CHN2: variants seen among roughly 807,000 people sequenced by gnomAD.
CHN2 encodes beta-chimaerin.
In CHN2, 35 loss-of-function variants were observed where a neutral mutation model predicts 56.3. The observed-to-expected ratio is 0.62, with a 90% confidence interval of 0.47 to 0.82. The LOEUF (loss-of-function observed/expected upper bound fraction) is 0.82, where lower values mean the gene tolerates loss of function less well. Among genes scored for constraint, CHN2 ranks in the 40% least tolerant of loss-of-function variants. CHN2 has a pLI of 0.00. For synonymous variants in CHN2, 210 were observed against 212.8 expected, an observed-to-expected ratio of 0.99 and a Z score of 0.12; for missense variants, 491 against 580.5, an observed-to-expected ratio of 0.85 and a Z score of 1.58.
At position 29,339,872 on chromosome 7, in the gene CHN2, C is replaced by T. The variant is rs1042791060; in HGVS notation, c.50-14753C>T. Among the ~76,000 whole-genome samples the T allele has an allele frequency of 2.0e-5, 3 of 151,184 alleles. No individual in the cohort carries two copies. In the East Asian group the frequency reaches 5.8e-4, roughly 29 times the overall value. On this transcript the variant is annotated intron_variant, in intron 1 of 12. Coordinates refer to ENST00000222792, the MANE Select transcript of CHN2 (RefSeq NM_004067.4). ...CCGTCTCAAAAAAAAAAAATAATAACAATACTGTATATAATAATATAATAT... is the reference window on the plus strand; with the variant it reads ...CCGTCTCAAAAAAAAAAAATAATAATAATACTGTATATAATAATATAATAT...
chr7:29,457,126 C>T (rs1054064792), intron 6 of CHN2, among the ~76,000 whole-genome samples: 2 of 152,226 alleles, frequency 1.3e-5, no homozygotes, highest in African/African-American at 4.8e-5. Flanking sequence ...TGGCCTGCAG[C>T]TCGGGAACGT....
At position 29,160,730 on chromosome 7, in the gene CHN2, C is replaced by T. The variant is rs964195084; in HGVS notation, c.274+13770C>T. On this transcript the variant is annotated intron_variant, in intron 2 of 6. Coordinates refer to the CHN2 transcript ENST00000439384. ...TGACCATGAGGAAAAACCACATATG[C>T]ACTGAGGCAGAGAGGAAGGGCTAAA... Among the ~76,000 whole-genome samples, 3 of 152,250 alleles carry T rather than the reference C, an allele frequency of 2.0e-5. No homozygotes were observed. The East Asian group carries it at 5.8e-4, about 29-fold the overall frequency.
chr7:29,512,572 T>G lies in CHN2; in HGVS notation c.1244T>G (p.Met415Arg), dbSNP rs200486776. 2 of 1,612,148 alleles carry G rather than the reference T, an allele frequency of 1.2e-6. No homozygotes were observed. Among genetic ancestry groups the G allele is most frequent in the East Asian group, 4.5e-5 (2 of 44,872 alleles). Residue 415 changes from methionine to arginine, a missense_variant, in exon 13 of 13, where the codon ATG becomes AGG. Transcript: ENST00000222792. ...ATATGTTTGTTTTGCAGGGTTACTA[T>G]GAATGAAAAAGACAATTTCATGAAT... The part of the protein sequence containing the change: ...YLMIHLKKVT[M>R]NEKDNFMNAE...
intron 6 of CHN2, among the ~76,000 whole-genome samples, chr7:29,456,539 A>G (rs1274509027): frequency 6.6e-6 from 1 of 152,088 alleles, no homozygotes; most frequent in Non-Finnish European, 1.5e-5. Context: ...TTAAGTCTCA[A>G]GCTCACAATG....
intron 6 of CHN2, among the ~76,000 whole-genome samples, chr7:29,430,590 G>C (rs1351895710): frequency 6.6e-6 from 1 of 152,110 alleles, no homozygotes; most frequent in African/African-American, 2.4e-5. Context: ...CATTTGGTTG[G>C]CTAAAGCTCA....
intron 6 of CHN2, among the ~76,000 whole-genome samples, chr7:29,403,559 A>G (rs1802399363): frequency 6.6e-6 from 1 of 152,152 alleles, no homozygotes; most frequent in Non-Finnish European, 1.5e-5. Context: ...AAAAGAGATT[A>G]CCTACTCCAT....
At chr7:29,469,130 G>T (rs958062716) in intron 6 of CHN2, among the ~76,000 whole-genome samples, 7 of 152,086 alleles carry the variant, frequency 4.6e-5, no homozygotes, top group Admixed American at 3.9e-4. Context: ...ACCATTACCT[G>T]GAATTCTTTC....
At chr7:29,358,055 A>ATAAT (rs1798440652) in intron 2 of CHN2, among the ~76,000 whole-genome samples, 1 of 152,238 alleles carries the variant, frequency 6.6e-6, no homozygotes, top group South Asian at 2.1e-4. Context: ...TATATTTACT[A>ATAAT]GAGACAGTAT....
chr7:29,470,633 G>T (rs1458294389), intron 6 of CHN2, among the ~76,000 whole-genome samples: 1 of 152,174 alleles, frequency 6.6e-6, no homozygotes, highest in African/African-American at 2.4e-5. Context: ...GTAGCTGGAG[G>T]CTATGTTTGG....
intron 2 of CHN2, among the ~76,000 whole-genome samples, chr7:29,364,136 C>T (rs1288851069): frequency 1.3e-5 from 2 of 152,220 alleles, no homozygotes; most frequent in Non-Finnish European, 2.9e-5. Context: ...ATGATAATGA[C>T]ACAAAGTTAT....
chr7:29,278,781 T>C (rs39108), intron 1 of CHN2, among the ~76,000 whole-genome samples: 86,494 of 152,082 alleles, frequency 0.57, 24,842 homozygotes, highest in East Asian at 0.77. Flanking sequence ...GGCGGGGGTC[T>C]TGTCTAGCTT....
chr7:29,226,307 C>G (rs1440029150), intron 1 of CHN2, among the ~76,000 whole-genome samples: 2 of 152,274 alleles, frequency 1.3e-5, no homozygotes, highest in Non-Finnish European at 2.9e-5. Flanking sequence ...ATTATGTAAA[C>G]TAGGTAATAC....
At chr7:29,438,865 A>T (rs987951330) in intron 6 of CHN2, among the ~76,000 whole-genome samples, 5 of 152,234 alleles carry the variant, frequency 3.3e-5, no homozygotes, top group Non-Finnish European at 5.9e-5. Context: ...TGTACATTGT[A>T]GAAACAATTG....
chr7:29,504,850 T>G (rs1171596188), intron 10 of CHN2, 29 bp downstream of exon 10: 1 of 1,499,210 alleles, frequency 6.7e-7, no homozygotes, highest in Non-Finnish European at 9.3e-7. Flanking sequence ...GAATGCCATC[T>G]GACATCCTAA....
intron 1 of CHN2, among the ~76,000 whole-genome samples, chr7:29,300,237 A>T (rs936788178): frequency 7.2e-5 from 11 of 152,138 alleles, no homozygotes; most frequent in Non-Finnish European, 1.6e-4. Flanking sequence ...AGAGTGTAGG[A>T]TGAGGGAACC....
rs1186915824 is a variant in CHN2, at chr7:29,514,129, C to T, written c.*1394C>T. 1 of 152,640 alleles carries T rather than the reference C, an allele frequency of 6.6e-6. No individual in the cohort carries two copies. Among genetic ancestry groups the T allele is most frequent in the Non-Finnish European group, 1.5e-5 (1 of 68,054 alleles). The allele number at this position is 152,640 out of a possible 1,614,324, so 9.5% of individuals were successfully genotyped here. ...GCTATGCAGATGGACTCCATTGGCA[C>T]AGGGAGGTTTGACCTCTTCCCTGCT... On this transcript the variant is annotated 3_prime_UTR_variant, in exon 13 of 13. Transcript: ENST00000222792.
At chr7:29,296,062 G>A (rs1316603352) in intron 1 of CHN2, among the ~76,000 whole-genome samples, 1 of 150,516 alleles carries the variant, frequency 6.6e-6, no homozygotes, top group African/African-American at 2.5e-5. Flanking sequence ...AAAAGAGAAA[G>A]GTCTGTCCGT....
At chr7:29,360,580 G>A (rs1362565344) in intron 2 of CHN2, among the ~76,000 whole-genome samples, 1 of 152,306 alleles carries the variant, frequency 6.6e-6, no homozygotes. Context: ...TGGCAGGGTG[G>A]AGGGTGGGGT....
At chr7:29,381,387 A>G (rs979353212) in intron 3 of CHN2, among the ~76,000 whole-genome samples, 4 of 152,192 alleles carry the variant, frequency 2.6e-5, no homozygotes, top group Non-Finnish European at 5.9e-5. Flanking sequence ...TTGTCCAAAC[A>G]AGGAGGGCCT....
Sources: gnomAD v4.1 joint callset for allele counts (sites outside exome capture counted in the v4.1 genomes callset) on GRCh38, gnomAD v4.1.1 for gene constraint, MANE v1.5 for transcripts, NCBI Gene and HGNC (gene_info 2026-07-23, HGNC 2026-07-21) for gene names.